PLIN3: variants seen among roughly 807,000 people sequenced by gnomAD.
The protein encoded by PLIN3 is perilipin-3.
A neutral mutation model predicts 35.9 loss-of-function variants in PLIN3; 30 were observed. That is an observed-to-expected ratio of 0.84 (90% confidence interval 0.62 to 1.13). PLIN3 has a LOEUF of 1.13. Among genes scored for constraint, PLIN3 ranks in the 50% most tolerant of loss-of-function variants. The probability of loss-of-function intolerance (pLI) is 0.00; values close to 1 mark genes in which losing one functional copy is unlikely to be tolerated. For synonymous variants in PLIN3, 261 were observed against 262.5 expected (o/e 0.99, Z 0.06); for missense variants, 603 against 596.9 (o/e 1.01, Z -0.11).
chr19:4,860,034 A>G lies in PLIN3; in HGVS notation c.67-10T>C. ...GGTCCACCACACTGGGCTACAGGAG[A>G]GAAGTGGCTCAGGCAAACTGGGTGG... On this transcript the variant is annotated splice_polypyrimidine_tract_variant and intron_variant, in intron 2 of 7. Transcript: ENST00000221957. The G allele has an allele frequency of 6.2e-7, 1 of 1,613,662 alleles. No individual in the cohort carries two copies. Among genetic ancestry groups the G allele is most frequent in the African/African-American group, 1.3e-5 (1 of 75,014 alleles).
At chr19:4,854,742 G>A (rs1488249860) in intron 4 of PLIN3, among the ~76,000 whole-genome samples, 16 of 151,994 alleles carry the variant, frequency 1.1e-4, no homozygotes, top group East Asian at 1.9e-4. Context: ...AGAACCTGGG[G>A]AAAGTTACCT....
intron 4 of PLIN3, among the ~76,000 whole-genome samples, chr19:4,853,613 C>A (rs2030376308): frequency 6.6e-6 from 1 of 152,140 alleles, no homozygotes; most frequent in Admixed American, 6.6e-5. Context: ...GCATGAGCCA[C>A]TGCGCCCAGC....
intron 4 of PLIN3, among the ~76,000 whole-genome samples, chr19:4,858,570 G>T (rs567557439): frequency 1.3e-5 from 2 of 151,220 alleles, no homozygotes; most frequent in South Asian, 4.2e-4. Context: ...TTTTAGTAGA[G>T]ATGGGGTTTC....
At chr19:4,861,191 C>T (rs2030662802) in intron 2 of PLIN3, 138 bp downstream of exon 2, 1 of 741,470 alleles carries the variant, frequency 1.3e-6, no homozygotes, top group Non-Finnish European at 2.4e-6. Flanking sequence ...GGTCCATACC[C>T]CACTGAGGAA....
At chr19:4,856,056 C>T (rs1311538318) in intron 4 of PLIN3, among the ~76,000 whole-genome samples, 1 of 152,070 alleles carries the variant, frequency 6.6e-6, no homozygotes, top group Admixed American at 6.6e-5. Context: ...AGTAGGCACT[C>T]AATAGCAAGT....
chr19:4,859,043 C>T (rs1003783427), intron 4 of PLIN3, among the ~76,000 whole-genome samples: 1 of 152,044 alleles, frequency 6.6e-6, no homozygotes. Context: ...CTGCCGCCAA[C>T]CTTTTCTGAC....
At chr19:4,842,918 G>A (rs2029941775) in intron 7 of PLIN3, among the ~76,000 whole-genome samples, 1 of 152,104 alleles carries the variant, frequency 6.6e-6, no homozygotes, top group African/African-American at 2.4e-5. Flanking sequence ...TCTCATTTCA[G>A]TTTTTAAAAA....
At chr19:4,840,590 A>G (rs994614594) in intron 7 of PLIN3, among the ~76,000 whole-genome samples, 24 of 152,160 alleles carry the variant, frequency 1.6e-4, no homozygotes, top group African/African-American at 5.8e-4. Context: ...ACAAATCACC[A>G]AAGAAGATAT....
chr19:4,843,224 AG>A (rs1241095572), intron 7 of PLIN3, among the ~76,000 whole-genome samples: 1 of 128,060 alleles, frequency 7.8e-6, no homozygotes, highest in Non-Finnish European at 1.6e-5. Flanking sequence ...ATAAATAAAT[AG>A]GCAGGGTGCG....
At position 4,839,232 on chromosome 19, in the gene PLIN3, G is replaced by A. The variant is rs2093625065; in HGVS notation, c.1265C>T (p.Ala422Val). 1.2e-6 allele frequency: 2 copies of A among 1,610,306 alleles called. No homozygotes were observed. The highest frequency in any genetic ancestry group is 1.1e-5 in the South Asian group (1 of 91,000). Residue 422 changes from alanine to valine, a missense_variant, in exon 8 of 8, where the codon GCC (alanine) becomes GTC (valine). By Grantham distance (64) the Ala-to-Val change is moderately conservative. Coordinates refer to ENST00000221957, the MANE Select transcript of PLIN3 (RefSeq NM_005817.5). The stretch of plus-strand genomic sequence containing the variant: ...CGGGGCTTTCTCAGTGATTCCAGGG[G>A]CAAAGGGTCCCACGAGCCACGTGAC... Reference protein sequence around the residue: ...TPVTWLVGPFAPGITEKAPEE... With the variant: ...TPVTWLVGPFVPGITEKAPEE...
In PLIN3 at chr19:4,838,619, C is replaced by G. The variant is rs957645061; in HGVS notation, c.*573G>C. On this transcript the variant is annotated 3_prime_UTR_variant, in exon 8 of 8. Transcript: ENST00000221957. ...TTTTGAGACTAAGTCTCACTCTTGT[C>G]CCCCAGGCTGGAGTGCAATGGCGCG... 1.4e-5 allele frequency: 2 copies of G among 146,862 alleles called. No individual in the cohort carries two copies. Among genetic ancestry groups the G allele is most frequent in the Non-Finnish European group, 3.0e-5 (2 of 67,088 alleles). The allele number at this position is 146,862 out of a possible 1,614,324, so 9.1% of individuals were successfully genotyped here.
chr19:4,859,778 G>C, intron 3 of PLIN3, 48 bp downstream of exon 3: 1 of 1,606,954 alleles, frequency 6.2e-7, no homozygotes, highest in Non-Finnish European at 8.5e-7. Flanking sequence ...TCCCCACCCA[G>C]GGAAATGACC....
intron 1 of PLIN3, among the ~76,000 whole-genome samples, chr19:4,865,335 A>G (rs548292481): frequency 6.6e-6 from 1 of 151,622 alleles, no homozygotes; most frequent in Non-Finnish European, 1.5e-5. Flanking sequence ...CTAAAAATAC[A>G]AAAATTAGCC....
At chr19:4,861,641 T>TC (rs896629089) in intron 1 of PLIN3, among the ~76,000 whole-genome samples, 10 of 151,994 alleles carry the variant, frequency 6.6e-5, no homozygotes, top group African/African-American at 2.4e-4. Context: ...TTTTTTTTTT[T>TC]CTTTATTTTC....
chr19:4,848,728 G>A (rs1362337102), intron 5 of PLIN3, among the ~76,000 whole-genome samples: 2 of 152,236 alleles, frequency 1.3e-5, no homozygotes, highest in African/African-American at 2.4e-5. Context: ...TTAGCCAGGC[G>A]TGATGGCACT....
At chr19:4,862,749 C>T (rs1170644444) in intron 1 of PLIN3, among the ~76,000 whole-genome samples, 1 of 152,194 alleles carries the variant, frequency 6.6e-6, no homozygotes, top group Admixed American at 6.6e-5. Flanking sequence ...ACCCAGAAAC[C>T]TCACTTCGGG....
At chr19:4,847,570 G>T in intron 6 of PLIN3, 121 bp downstream of exon 6, 1 of 797,644 alleles carries the variant, frequency 1.3e-6, no homozygotes, top group Non-Finnish European at 2.1e-6. Flanking sequence ...AGTGCCAGGA[G>T]CAAGCGGGAA....
chr19:4,844,824 G>A (rs757103570), intron 6 of PLIN3, 31 bp from the exon 7 acceptor site: 62 of 1,569,386 alleles, frequency 4.0e-5, no homozygotes, highest in Non-Finnish European at 5.3e-5. Context: ...GTGAGGGAAG[G>A]AGGCTCCCCT....
chr19:4,841,753 A>G (rs2029896851), intron 7 of PLIN3, among the ~76,000 whole-genome samples: 1 of 151,180 alleles, frequency 6.6e-6, no homozygotes, highest in South Asian at 2.1e-4. Context: ...AAACACAAAA[A>G]AATTAGCTGG....
Sources: gnomAD v4.1 joint callset for allele counts (sites outside exome capture counted in the v4.1 genomes callset) on GRCh38, gnomAD v4.1.1 for gene constraint, MANE v1.5 for transcripts, NCBI Gene and HGNC (gene_info 2026-07-23, HGNC 2026-07-21) for gene names.